The following GPC3 variants were observed in gnomAD, a reference collection of about 807,000 sequenced individuals.
The protein encoded by GPC3 is glypican-3.
A neutral mutation model predicts 34.4 loss-of-function variants in GPC3; 3 were observed. The ratio of observed to expected loss-of-function variants is 0.09; its 90% confidence interval spans 0.04 to 0.23. The LOEUF is 0.23. GPC3 is among the 10% of genes least tolerant of loss of function. GPC3 has a pLI of 1.00. For synonymous variants in GPC3, 177 were observed against 174.0 expected, an observed-to-expected ratio of 1.02 and a Z score of -0.13; for missense variants, 351 against 445.6, an observed-to-expected ratio of 0.79 and a Z score of 1.91.
intron 1 of GPC3, among the ~76,000 whole-genome samples, chrX:133,954,600 G>A (rs933282726): frequency 6.3e-5 from 7 of 110,483 alleles, no homozygotes; most frequent in Non-Finnish European, 1.1e-4. Flanking sequence ...ATAAGGTAAC[G>A]TTTGAGGAGA....
intron 2 of GPC3, among the ~76,000 whole-genome samples, chrX:133,876,931 G>T (rs1453318670): frequency 9.0e-6 from 1 of 111,582 alleles, no homozygotes; most frequent in African/African-American, 3.3e-5. Flanking sequence ...GACATTAAGG[G>T]TTACTTATGA....
chrX:133,626,578 T>C (rs2060813176), intron 6 of GPC3, among the ~76,000 whole-genome samples: 1 of 110,587 alleles, frequency 9.0e-6, no homozygotes, highest in African/African-American at 3.3e-5. Flanking sequence ...TCATCATCAC[T>C]GGCCATCAGA....
chrX:133,926,133 G>C (rs1403700230), intron 2 of GPC3, among the ~76,000 whole-genome samples: 2 of 111,386 alleles, frequency 1.8e-5, no homozygotes, highest in East Asian at 2.8e-4. Flanking sequence ...TGATTCTATG[G>C]AACCACCTCC....
intron 2 of GPC3, among the ~76,000 whole-genome samples, chrX:133,895,798 T>C (rs756546885): frequency 3.6e-5 from 4 of 111,094 alleles, no homozygotes; most frequent in African/African-American, 1.3e-4. Context: ...AAGCAATCTA[T>C]ATATCCACCC....
intron 2 of GPC3, among the ~76,000 whole-genome samples, chrX:133,918,809 C>A (rs777414213): frequency 2.7e-5 from 3 of 111,705 alleles, no homozygotes; most frequent in Non-Finnish European, 5.6e-5. Flanking sequence ...AATTTAAATG[C>A]GTTAGGACTT....
intron 2 of GPC3, among the ~76,000 whole-genome samples, chrX:133,780,585 C>T (rs763684505): frequency 3.9e-4 from 43 of 111,501 alleles, no homozygotes; most frequent in Non-Finnish European, 6.6e-4. Context: ...ATGATAATTA[C>T]CCAGCTCTGA....
chrX:133,589,119 A>C (rs762280867), intron 7 of GPC3, among the ~76,000 whole-genome samples: 1 of 111,737 alleles, frequency 8.9e-6, no homozygotes, highest in Admixed American at 9.5e-5. Flanking sequence ...AGAGACTGAA[A>C]GTTTCCTGAA....
intron 7 of GPC3, among the ~76,000 whole-genome samples, chrX:133,567,537 T>C (rs765741293): frequency 1.8e-5 from 2 of 112,163 alleles, no homozygotes; most frequent in South Asian, 7.5e-4. Context: ...CTGCTTTTCT[T>C]CCATTTGAGT....
intron 5 of GPC3, among the ~76,000 whole-genome samples, chrX:133,669,056 G>A (rs1241242335): frequency 9.0e-6 from 1 of 111,400 alleles, no homozygotes; most frequent in African/African-American, 3.3e-5. Flanking sequence ...AGAGAGCCCT[G>A]TGTATAGGGT....
intron 3 of GPC3, among the ~76,000 whole-genome samples, chrX:133,731,384 A>C (rs1361904327): frequency 3.5e-5 from 4 of 112,834 alleles, no homozygotes; most frequent in Non-Finnish European, 7.5e-5. Context: ...TTGATTTTTA[A>C]ATTAGCCATA....
intron 3 of GPC3, among the ~76,000 whole-genome samples, chrX:133,707,803 T>C (rs2071232093): frequency 9.0e-6 from 1 of 111,286 alleles, no homozygotes; most frequent in Admixed American, 9.6e-5. Flanking sequence ...TTGGTTGCTG[T>C]ACTCTTTTTT....
At chrX:133,795,471 C>T (rs746910313) in intron 2 of GPC3, among the ~76,000 whole-genome samples, 2 of 110,581 alleles carry the variant, frequency 1.8e-5, no homozygotes, top group African/African-American at 3.3e-5. Context: ...CAAGGTGGGG[C>T]GAGACAAGAG....
At chrX:133,945,762 A>AAAAAAG (rs2076365573) in intron 2 of GPC3, among the ~76,000 whole-genome samples, 1 of 110,875 alleles carries the variant, frequency 9.0e-6, no homozygotes, top group Non-Finnish European at 1.9e-5. Flanking sequence ...TCAAAAAAAA[A>AAAAAAG]AAAAGAAAAG....
chrX:133,675,710 T>C (rs888538998), intron 5 of GPC3, among the ~76,000 whole-genome samples: 1 of 112,340 alleles, frequency 8.9e-6, no homozygotes, highest in African/African-American at 3.2e-5. Flanking sequence ...TATGTTACAC[T>C]GGGCCCTTCG....
intron 6 of GPC3, among the ~76,000 whole-genome samples, chrX:133,632,104 T>A (rs186236481): frequency 0.01 from 1,156 of 110,245 alleles, 16 homozygotes; most frequent in East Asian, 0.034. Flanking sequence ...AAAAATTTTT[T>A]AAAAAATTTT....
chrX:133,685,748 C>A (rs1316768006), intron 5 of GPC3, among the ~76,000 whole-genome samples: 1 of 107,231 alleles, frequency 9.3e-6, no homozygotes, highest in Non-Finnish European at 1.9e-5. Context: ...AACATGCATT[C>A]ATAACATAGT....
intron 2 of GPC3, among the ~76,000 whole-genome samples, chrX:133,797,936 G>GA (rs1001028948): frequency 5.5e-5 from 6 of 109,255 alleles, no homozygotes; most frequent in East Asian, 5.7e-4. Flanking sequence ...AAGCTGTTAA[G>GA]AAAAAAAAAT....
At chrX:133,754,493 A>T (rs2071708557) in intron 2 of GPC3, among the ~76,000 whole-genome samples, 1 of 112,508 alleles carries the variant, frequency 8.9e-6, no homozygotes, top group Non-Finnish European at 1.9e-5. Context: ...ATTGATTAAA[A>T]ATTGGCTAAA....
At chrX:133,732,182 T>C (rs764413898) in intron 3 of GPC3, among the ~76,000 whole-genome samples, 2 of 111,321 alleles carry the variant, frequency 1.8e-5, no homozygotes, top group Non-Finnish European at 3.8e-5. Context: ...GAGACCCAGA[T>C]AAGGATCTAT....
Sources: gnomAD v4.1 joint callset for allele counts (sites outside exome capture counted in the v4.1 genomes callset) on GRCh38, gnomAD v4.1.1 for gene constraint, MANE v1.5 for transcripts, NCBI Gene and HGNC (gene_info 2026-07-23, HGNC 2026-07-21) for gene names.